SLC9C1: variants seen among roughly 807,000 people sequenced by gnomAD.
SLC9C1 encodes solute carrier family 9 member C1.
In SLC9C1, 97 loss-of-function variants were observed where a neutral mutation model predicts 140.9. The observed-to-expected ratio is 0.69, with a 90% CI of 0.58 to 0.82. The LOEUF (loss-of-function observed/expected upper bound fraction) is 0.82. Among genes scored for constraint, SLC9C1 ranks in the 40% least tolerant of loss-of-function variants. The pLI is 0.00. For synonymous variants in SLC9C1, 440 were observed against 442.6 expected (o/e 0.99, Z 0.07); for missense variants, 1,340 against 1,389.3 (o/e 0.96, Z 0.56).
intron 26 of SLC9C1, among the ~76,000 whole-genome samples, chr3:112,163,630 TGA>T (rs1451233097): frequency 2.0e-5 from 3 of 151,992 alleles, no homozygotes; most frequent in African/African-American, 7.2e-5. Context: ...CACTGTGGTC[TGA>T]GAGACAGTTT....
At chr3:112,186,016 T>G (rs2107975275) in intron 20 of SLC9C1, 1 of 1,472,128 alleles carries the variant, frequency 6.8e-7, no homozygotes, top group African/African-American at 1.4e-5. Context: ...GCACCTTTTC[T>G]TATGTGTATT....
chr3:112,195,863 T>A (rs544554928), intron 20 of SLC9C1, among the ~76,000 whole-genome samples: 27 of 152,308 alleles, frequency 1.8e-4, no homozygotes, highest in Non-Finnish European at 3.1e-4. Flanking sequence ...ATATTAGTTT[T>A]ATACTAATAA....
chr3:112,273,976 G>A (rs1161351565), intron 6 of SLC9C1, among the ~76,000 whole-genome samples: 1 of 152,110 alleles, frequency 6.6e-6, no homozygotes, highest in Non-Finnish European at 1.5e-5. Flanking sequence ...TAGAATAGTA[G>A]GTCGTCAGTT....
chr3:112,154,304 A>G (rs1316546515), intron 27 of SLC9C1, among the ~76,000 whole-genome samples: 1 of 152,186 alleles, frequency 6.6e-6, no homozygotes, highest in Non-Finnish European at 1.5e-5. Flanking sequence ...TTCCATCTGG[A>G]GTCCATACGA....
chr3:112,192,087 A>G (rs193050381), intron 20 of SLC9C1, among the ~76,000 whole-genome samples: 1 of 151,886 alleles, frequency 6.6e-6, no homozygotes, highest in East Asian at 1.9e-4. Context: ...CTGTGGTAAA[A>G]TACACGTAAC....
intron 23 of SLC9C1, among the ~76,000 whole-genome samples, chr3:112,172,752 T>G (rs1299373002): frequency 1.3e-5 from 2 of 152,122 alleles, no homozygotes; most frequent in African/African-American, 2.4e-5. Context: ...TAAAAGAATG[T>G]TACATTTTGT....
chr3:112,281,835 T>C (rs1052747037), intron 2 of SLC9C1, among the ~76,000 whole-genome samples: 3 of 152,200 alleles, frequency 2.0e-5, no homozygotes, highest in African/African-American at 4.8e-5. Context: ...GGTGACTTAA[T>C]TGATGCTTTA....
chr3:112,270,114 GA>G (rs2080031463), intron 6 of SLC9C1, 37 bp from the exon 7 acceptor site: 1 of 1,429,060 alleles, frequency 7.0e-7, no homozygotes, highest in Non-Finnish European at 9.2e-7. Context: ...ATAGTTAATA[GA>G]ACTTGCCGTT....
chr3:112,209,634 A>G (rs2078148000), intron 15 of SLC9C1, among the ~76,000 whole-genome samples: 1 of 152,226 alleles, frequency 6.6e-6, no homozygotes, highest in Non-Finnish European at 1.5e-5. Flanking sequence ...CTAATAAACA[A>G]AATAGCAAAG....
chr3:112,213,245 C>G (rs2078258747), intron 15 of SLC9C1, among the ~76,000 whole-genome samples: 1 of 152,120 alleles, frequency 6.6e-6, no homozygotes, highest in Non-Finnish European at 1.5e-5. Context: ...GCAGCCACAG[C>G]AAAAACAAGC....
intron 2 of SLC9C1, among the ~76,000 whole-genome samples, chr3:112,282,315 GTGGAC>G (rs1293668910): frequency 6.6e-6 from 1 of 152,226 alleles, no homozygotes. Context: ...CAAACTACAA[GTGGAC>G]TGGTTGAGAA....
intron 1 of SLC9C1, among the ~76,000 whole-genome samples, chr3:112,291,085 A>C (rs1000767802): frequency 6.6e-6 from 1 of 152,164 alleles, no homozygotes; most frequent in African/African-American, 2.4e-5. Flanking sequence ...TCTTGTCAGC[A>C]TGATGTTAGC....
chr3:112,151,749 G>A, intron 28 of SLC9C1, 108 bp downstream of exon 28: 1 of 789,508 alleles, frequency 1.3e-6, no homozygotes, highest in Non-Finnish European at 2.2e-6. Context: ...CTAGTGGAAA[G>A]AGCTATAATT....
chr3:112,278,923 G>C, intron 3 of SLC9C1, 66 bp from the exon 4 acceptor site: 1 of 1,493,868 alleles, frequency 6.7e-7, no homozygotes, highest in Non-Finnish European at 9.0e-7. Context: ...TACATGCTAG[G>C]TGCTCCTAAA....
At chr3:112,167,431 T>C in intron 25 of SLC9C1, 84 bp from the exon 26 acceptor site, 1 of 1,375,768 alleles carries the variant, frequency 7.3e-7, no homozygotes, top group South Asian at 1.5e-5. Flanking sequence ...ATTTCTGGCT[T>C]TCTCTAGGTA....
At position 112,195,258 on chromosome 3, in the gene SLC9C1, T is replaced by A. The variant is rs112119491; in HGVS notation, c.2523+4063A>T. On this transcript the variant is annotated intron_variant, in intron 20 of 28. Transcript: ENST00000305815. ...CTTCTAAGAGTTTTATAGTTTTAGG[T>A]CTTACATAAAGGTCATGGGTCTATT... Among the ~76,000 whole-genome samples, 912 of 152,266 alleles carry A rather than the reference T, an allele frequency of 6.0e-3. 5 individuals are homozygous for A. The highest frequency in any genetic ancestry group is 0.021 in the African/African-American group (881 of 41,574).
At chr3:112,168,613 A>G (rs2077185799) in intron 25 of SLC9C1, among the ~76,000 whole-genome samples, 1 of 152,146 alleles carries the variant, frequency 6.6e-6, no homozygotes, top group Non-Finnish European at 1.5e-5. Context: ...AACTGTAACC[A>G]AAATGTCCAG....
chr3:112,244,100 T>G (rs756341105), intron 10 of SLC9C1, 24 bp from the exon 11 acceptor site: 4 of 1,444,072 alleles, frequency 2.8e-6, no homozygotes, highest in Non-Finnish European at 3.8e-6. Context: ...AAATACAAAG[T>G]AAGTATTCAT....
intron 12 of SLC9C1, among the ~76,000 whole-genome samples, chr3:112,236,272 A>G (rs2078983709): frequency 6.6e-6 from 1 of 152,164 alleles, no homozygotes; most frequent in South Asian, 2.1e-4. Context: ...TGTTTATGGT[A>G]TTCTCTGATG....
Sources: gnomAD v4.1 joint callset for allele counts (sites outside exome capture counted in the v4.1 genomes callset) on GRCh38, gnomAD v4.1.1 for gene constraint, MANE v1.5 for transcripts, NCBI Gene and HGNC (gene_info 2026-07-23, HGNC 2026-07-21) for gene names.